The following PTK2 variants were observed in gnomAD, a reference collection of about 807,000 sequenced individuals.
PTK2 encodes focal adhesion kinase 1.
Under a neutral mutation model 150.1 loss-of-function variants are expected in PTK2, and 45 were observed. The observed-to-expected ratio is 0.30, with a 90% CI of 0.24 to 0.38. PTK2 has a LOEUF of 0.38. Among genes scored for constraint, PTK2 ranks in the 10% least tolerant of loss-of-function variants. The pLI is 1.00. For missense variants in PTK2, 919 were observed against 1,307.3 expected, an observed-to-expected ratio of 0.70 and a Z score of 4.58; for synonymous variants, 432 against 449.2, an observed-to-expected ratio of 0.96 and a Z score of 0.48.
chr8:140,896,396 CA>C (rs1454867761), intron 2 of PTK2, among the ~76,000 whole-genome samples: 1 of 152,032 alleles, frequency 6.6e-6, no homozygotes. Context: ...AAAATCTTAA[CA>C]AGTATAATCC....
At chr8:140,976,799 A>G (rs1356773456) in intron 1 of PTK2, among the ~76,000 whole-genome samples, 1 of 152,242 alleles carries the variant, frequency 6.6e-6, no homozygotes, top group Non-Finnish European at 1.5e-5. Context: ...ACTTAGGCAT[A>G]GCTGGAGTTT....
chr8:140,731,470 C>T (rs2100049317), intron 22 of PTK2, among the ~76,000 whole-genome samples: 2 of 152,240 alleles, frequency 1.3e-5, no homozygotes, highest in Non-Finnish European at 1.5e-5. Context: ...AATAAGTAAA[C>T]AGGATGTAGG....
At chr8:140,869,668 G>C (rs1004308204) in intron 4 of PTK2, among the ~76,000 whole-genome samples, 6 of 151,960 alleles carry the variant, frequency 3.9e-5, no homozygotes, top group Non-Finnish European at 8.8e-5. Flanking sequence ...AATTGGGAAT[G>C]GGCACACCTC....
At chr8:140,755,942 AACTT>A (rs1319173833) in intron 16 of PTK2, among the ~76,000 whole-genome samples, 3 of 152,212 alleles carry the variant, frequency 2.0e-5, no homozygotes, top group Non-Finnish European at 4.4e-5. Flanking sequence ...TTATAATAGA[AACTT>A]AAGAGAAATG....
At chr8:140,716,090 C>A (rs1051398379) in intron 23 of PTK2, among the ~76,000 whole-genome samples, 1 of 152,142 alleles carries the variant, frequency 6.6e-6, no homozygotes, top group Non-Finnish European at 1.5e-5. Context: ...TTCTTAACAT[C>A]CCCACCCAAG....
chr8:140,927,975 A>AAAAAATATAT, intron 1 of PTK2, among the ~76,000 whole-genome samples: 10 of 48,182 alleles, frequency 2.1e-4, no homozygotes, highest in Non-Finnish European at 3.4e-4. Context: ...AAAAAAAAAA[A>AAAAAATATAT]ATATATATAT....
rs191465511 is a variant in PTK2 at position 140,729,216 on chromosome 8, A to G, written c.2030+6035T>C. ...ACATGGTTAAGACAAATAACTAAAA[A>G]CTGAAAACCAAAAAAACACGCACGC... is the stretch of plus-strand genomic sequence containing the variant. On this transcript the variant is annotated intron_variant, in intron 22 of 31. Coordinates refer to ENST00000522684, the Ensembl canonical transcript of PTK2. 2.6e-5 allele frequency among the ~76,000 whole-genome samples: 4 copies of G among 152,312 alleles called. No homozygotes were observed. The East Asian group carries it at 7.7e-4, about 29-fold the overall frequency.
intron 2 of PTK2, among the ~76,000 whole-genome samples, chr8:140,891,911 A>G (rs1438186032): frequency 6.6e-6 from 1 of 152,166 alleles, no homozygotes; most frequent in Non-Finnish European, 1.5e-5. Context: ...TCCTGCTCAG[A>G]TCCATCGTGG....
At chr8:140,736,312 T>C (rs2100052568) in intron 21 of PTK2, among the ~76,000 whole-genome samples, 1 of 152,056 alleles carries the variant, frequency 6.6e-6, no homozygotes, top group African/African-American at 2.4e-5. Context: ...GTAAGTGGGA[T>C]CTAAACCCTG....
chr8:140,869,939 C>CAT (rs61262084), intron 4 of PTK2, among the ~76,000 whole-genome samples: 151,183 of 152,102 alleles, frequency 0.99, 75,143 homozygotes, highest in Middle Eastern at 1. Flanking sequence ...TGTAGCAAAA[C>CAT]ATATATGTGT....
At chr8:140,787,355 G>A (rs2100085563) in intron 14 of PTK2, among the ~76,000 whole-genome samples, 1 of 152,112 alleles carries the variant, frequency 6.6e-6, no homozygotes, top group Non-Finnish European at 1.5e-5. Context: ...TATCTTATAG[G>A]CCCTTTGTTG....
rs186621200 is a variant in PTK2 at position 140,810,015 on chromosome 8, G to T, written c.868-6365C>A. ...GAAAGACACAGAAGCTGGGCTGAAG[G>T]GGGAGGAAGCTGGGAACCCTGCAAG... On this transcript the variant is annotated intron_variant, in intron 10 of 31. Coordinates refer to ENST00000522684, the Ensembl canonical transcript of PTK2. 3.9e-5 allele frequency among the ~76,000 whole-genome samples: 6 copies of T among 152,284 alleles called. No homozygotes were observed. The East Asian group carries it at 5.8e-4, about 15-fold the overall frequency.
chr8:140,918,207 T>C (rs544458524), intron 2 of PTK2, among the ~76,000 whole-genome samples: 7 of 152,046 alleles, frequency 4.6e-5, no homozygotes, highest in Non-Finnish European at 1.0e-4. Context: ...TTCGGGGTGT[T>C]TGAGGCACTG....
intron 5 of PTK2, among the ~76,000 whole-genome samples, chr8:140,863,533 C>T (rs2100137484): frequency 6.6e-6 from 1 of 152,208 alleles, no homozygotes; most frequent in Non-Finnish European, 1.5e-5. Flanking sequence ...CACATTTTCT[C>T]TCTCCCCTCC....
chr8:140,938,207 T>C (rs370263175), intron 1 of PTK2, among the ~76,000 whole-genome samples: 2 of 152,196 alleles, frequency 1.3e-5, no homozygotes, highest in East Asian at 1.9e-4. Flanking sequence ...TTTCATTCTA[T>C]GTCCTGACCA....
chr8:140,832,441 G>A (rs1040390444), intron 7 of PTK2, among the ~76,000 whole-genome samples: 1 of 152,208 alleles, frequency 6.6e-6, no homozygotes, highest in African/African-American at 2.4e-5. Context: ...TTGTAAAGTG[G>A]GGATGTGAAC....
chr8:140,956,776 T>A (rs1262176326), intron 1 of PTK2, among the ~76,000 whole-genome samples: 1 of 152,256 alleles, frequency 6.6e-6, no homozygotes, highest in East Asian at 1.9e-4. Context: ...TTAAAAACCT[T>A]AAATTAGGCT....
intron 1 of PTK2, among the ~76,000 whole-genome samples, chr8:140,968,542 G>A (rs1370146191): frequency 6.6e-6 from 1 of 152,182 alleles, no homozygotes; most frequent in Non-Finnish European, 1.5e-5. Context: ...CATACAGGGA[G>A]CAAGGATCAG....
chr8:140,800,602 A>G, intron 11 of PTK2, 26 bp from the exon 12 acceptor site: 1 of 1,565,198 alleles, frequency 6.4e-7, no homozygotes, highest in Non-Finnish European at 8.8e-7. Context: ...TCAAGAAAAC[A>G]GACTTCATTG....
Sources: allele counts gnomAD v4.1 joint callset (sites outside exome capture counted in the v4.1 genomes callset), GRCh38; gene constraint gnomAD v4.1.1; transcripts MANE v1.5; gene names NCBI Gene and HGNC (gene_info 2026-07-23, HGNC 2026-07-21).